IGSF9: variants seen among roughly 807,000 people sequenced by gnomAD.
IGSF9 encodes the protein protein turtle homolog A.
A neutral mutation model predicts 121.7 loss-of-function variants in IGSF9; 87 were observed. That is an observed-to-expected ratio of 0.71 (90% CI 0.60 to 0.85). IGSF9 has a LOEUF of 0.85. Among genes scored for constraint, IGSF9 ranks in the 40% least tolerant of loss-of-function variants. The pLI is 0.00. For synonymous variants in IGSF9, 640 were observed against 648.4 expected (o/e 0.99, Z 0.20); for missense variants, 1,462 against 1,565.3 (o/e 0.93, Z 1.11).
chr1:159,935,640 G>T (rs1033340467), intron 6 of IGSF9, among the ~76,000 whole-genome samples: 2 of 152,244 alleles, frequency 1.3e-5, no homozygotes, highest in Non-Finnish European at 2.9e-5. Context: ...TGACACAACA[G>T]AGCACTGACT....
Position 159,929,653 on chromosome 1 carries a change from T to TGCGGCG in IGSF9, c.2305_2310dup (p.Arg769_Arg770dup), listed in dbSNP as rs748316982. 781 of 1,594,552 alleles carry TGCGGCG rather than the reference T, an allele frequency of 4.9e-4. 6 individuals are homozygous for TGCGGCG. The African/African-American group carries it at 9.3e-3, about 19-fold the overall frequency. On this transcript the variant is annotated inframe_insertion, in exon 17 of 21. Coordinates refer to ENST00000368094, the MANE Select transcript of IGSF9 (RefSeq NM_001135050.2). ...AGGGACTTACCTTGGCGGAGGCGCT[T>TGCGGCG]GCGGCGGCGGCGGGCAGCCCTGCGC... is the stretch of plus-strand genomic sequence containing the variant.
In IGSF9 at chr1:159,931,658, C is replaced by T. The variant is rs1313392508; in HGVS notation, c.1363-55G>A. On this transcript the variant is annotated intron_variant, in intron 11 of 20. Coordinates refer to ENST00000368094, the MANE Select transcript of IGSF9 (RefSeq NM_001135050.2). The surrounding 1 kb of genome is among the most constrained non-coding windows in gnomAD (Gnocchi z 4.8). ...ACACGCAGCCACCCCTCACCAAAGG[C>T]GCCCCTCATCTCTCCAGGCAGCTCC... The T allele has an allele frequency of 1.0e-5, 16 of 1,586,788 alleles. No homozygotes were observed. The Admixed American group carries it at 1.0e-4, about 10-fold the overall frequency.
Position 159,927,264 on chromosome 1 carries a change from C to T in IGSF9, c.*81G>A, listed in dbSNP as rs1320339718. 6.4e-7 allele frequency: 1 copy of T among 1,560,734 alleles called. No homozygotes were observed. Among genetic ancestry groups the T allele is most frequent in the African/African-American group, 1.4e-5 (1 of 73,560 alleles). ...CAAAGGGGCAGGCAGGGGCAGTGCC[C>T]TCGTTTGAAACTAGGTCTGTCTGGT... On this transcript the variant is annotated 3_prime_UTR_variant, in exon 21 of 21. Coordinates refer to ENST00000368094, the MANE Select transcript of IGSF9 (RefSeq NM_001135050.2).
In IGSF9 at chr1:159,928,619, C is replaced by T; in HGVS notation, c.2769G>A (p.Leu923=). Residue 923 remains leucine, a synonymous_variant, in exon 19 of 21, where the codon CTG becomes CTA. Coordinates refer to ENST00000368094, the MANE Select transcript of IGSF9 (RefSeq NM_001135050.2). The stretch of plus-strand genomic sequence containing the variant: ...AGAAGGGCAGGCTCAGGTACTGGAG[C>T]AGGGGTCCAGGACCTGGCAAGGGAC... The part of the protein sequence containing the change: ...PPSPLPGPGP[L]LQYLSLPFFR... 1 of 1,492,216 alleles carries T rather than the reference C, an allele frequency of 6.7e-7. No individual in the cohort carries two copies. The highest frequency in any genetic ancestry group is 8.9e-7 in the Non-Finnish European group (1 of 1,119,206). 92.4% of individuals were successfully genotyped at this position (1,492,216 alleles called of 1,614,324 possible).
In IGSF9 at chr1:159,931,154, C is replaced by G; in HGVS notation, c.1621G>C (p.Val541Leu). ...FDGGYLQRFS[V>L]WYTPLAKRPD... ...GTCACTCACAGTGGGGTGTACCAGA[C>G]ACTGAATCTCTGCAGATAACCACCA... Residue 541 changes from valine to leucine, a missense_variant, in exon 13 of 21, where the codon GTC becomes CTC. Physicochemically the swap from Val to Leu is conservative, Grantham distance 32. Around this residue, in one of 3 missense-constraint regions of IGSF9, gnomAD observed 96 missense variants for 150.7 expected, o/e 0.64. Coordinates refer to ENST00000368094, the MANE Select transcript of IGSF9 (RefSeq NM_001135050.2). The surrounding 1 kb of genome is among the most constrained non-coding windows in gnomAD (Gnocchi z 4.8). 1 of 1,614,118 alleles carries G rather than the reference C, an allele frequency of 6.2e-7. No individual in the cohort carries two copies. Among genetic ancestry groups the G allele is most frequent in the African/African-American group, 1.3e-5 (1 of 75,032 alleles).
At position 159,927,763 on chromosome 1, in the gene IGSF9, G is replaced by C; in HGVS notation, c.3355C>G (p.Leu1119Val). Reference protein sequence around the residue: ...SRLRPEAEPELGVKTPEEGCL... With the variant: ...SRLRPEAEPEVGVKTPEEGCL... ...CCTTTCCGGGGGGCTCACACACCTA[G>C]CTCTGGCTCAGCTTCAGGTCTGAGC... The change falls in exon 20 of 21, where the codon CTA becomes GTA. Residue 1119 changes from leucine to valine, a missense_variant. Physicochemically the swap from Leu to Val is conservative, Grantham distance 32. Around this residue, in one of 3 missense-constraint regions of IGSF9, gnomAD observed 808 missense variants for 815.2 expected, o/e 0.99. Transcript: ENST00000368094. The C allele has an allele frequency of 6.2e-7, 1 of 1,612,980 alleles. No individual in the cohort carries two copies. The highest frequency in any genetic ancestry group is 8.5e-7 in the Non-Finnish European group (1 of 1,179,658).
chr1:159,937,511 G>A (rs1190188920), intron 4 of IGSF9, among the ~76,000 whole-genome samples, 175 bp downstream of exon 4: 1 of 152,024 alleles, frequency 6.6e-6, no homozygotes, highest in Non-Finnish European at 1.5e-5. Flanking sequence ...GGAGTGTGGG[G>A]GAGGGGTGAG....
rs1473532269 is a variant in IGSF9, at chr1:159,928,534, G to A, written c.2854C>T (p.Pro952Ser). ...PPLEEPSPAA[P>S]PDYMDTRRCP... Reference sequence around the variant, plus strand: ...CGCCGGGTATCCATGTAATCTGGGGGTGCAGCAGGGCTGGGCTCCTCAAGC... The same window carrying A: ...CGCCGGGTATCCATGTAATCTGGGGATGCAGCAGGGCTGGGCTCCTCAAGC... The change falls in exon 19 of 21, where the codon CCC becomes TCC. Residue 952 changes from proline (P) to serine (S), a missense_variant. Physicochemically the swap from Pro to Ser is moderately conservative, Grantham distance 74. Coordinates refer to ENST00000368094, the MANE Select transcript of IGSF9 (RefSeq NM_001135050.2). The A allele has an allele frequency of 6.4e-7, 1 of 1,557,958 alleles. No homozygotes were observed. Among genetic ancestry groups the A allele is most frequent in the South Asian group, 1.2e-5 (1 of 82,804 alleles).
intron 18 of IGSF9, 29 bp downstream of exon 18, chr1:159,929,322 A>G (rs1178674937): frequency 6.2e-7 from 1 of 1,610,808 alleles, no homozygotes; most frequent in Non-Finnish European, 8.5e-7. Context: ...GGAAAGGCAG[A>G]AGAAAGCCAA....
intron 18 of IGSF9, 92 bp downstream of exon 18, chr1:159,929,259 A>T: frequency 6.7e-7 from 1 of 1,488,416 alleles, no homozygotes; most frequent in Non-Finnish European, 9.4e-7. Context: ...AACACCCAAC[A>T]TCCCCCTGGT....
chr1:159,930,103 A>G (rs753742367), intron 15 of IGSF9, 86 bp downstream of exon 15: 14 of 1,548,528 alleles, frequency 9.0e-6, no homozygotes, highest in Non-Finnish European at 1.2e-5. Context: ...AGCTCAAATC[A>G]AGATGAGAAG....
Position 159,931,750 on chromosome 1 carries a change from G to A in IGSF9, c.1362+62C>T. 6.9e-7 allele frequency: 1 copy of A among 1,459,636 alleles called. No homozygotes were observed. The highest frequency in any genetic ancestry group is 9.4e-7 in the Non-Finnish European group (1 of 1,065,424). The allele number at this position is 1,459,636 out of a possible 1,614,324, so 90.4% of individuals were successfully genotyped here. A position where few individuals can be genotyped will look rare whatever the true frequency, so the allele number is the denominator to read the frequency against. On this transcript the variant is annotated intron_variant, in intron 11 of 20. Coordinates refer to ENST00000368094, the MANE Select transcript of IGSF9 (RefSeq NM_001135050.2). This position sits in a 1 kb window ranked among gnomAD's most constrained non-coding sequence, Gnocchi z 4.8. ...CACCCTCCCTCCCACAAAATGGCTG[G>A]GGCACGAGAGGCAGGGGTGTAGTGG...
intron 3 of IGSF9, among the ~76,000 whole-genome samples, chr1:159,939,852 T>C (rs1476765088): frequency 6.6e-6 from 1 of 152,174 alleles, no homozygotes; most frequent in African/African-American, 2.4e-5. Flanking sequence ...GAGATAAGAC[T>C]AGGCCCAGCG....
Position 159,931,754 on chromosome 1 carries a change from A to C in IGSF9, c.1362+58T>G. The C allele has an allele frequency of 6.9e-7, 1 of 1,458,624 alleles. No individual in the cohort carries two copies. The allele number at this position is 1,458,624 out of a possible 1,614,324, so 90.4% of individuals were successfully genotyped here. On this transcript the variant is annotated intron_variant, in intron 11 of 20. Coordinates refer to ENST00000368094, the MANE Select transcript of IGSF9 (RefSeq NM_001135050.2). This position sits in a 1 kb window ranked among gnomAD's most constrained non-coding sequence, Gnocchi z 4.8. ...CTCCCTCCCACAAAATGGCTGGGGC[A>C]CGAGAGGCAGGGGTGTAGTGGGCGT...
Position 159,932,419 on chromosome 1 carries a change from T to TGGG in IGSF9, c.1245+92_1245+93insCCC. Reference sequence around the variant, plus strand: ...ACTTGGAAACCCCTCCCCATGTGTCTGCCCCACCCCACCCCCATCAGCCTG... The same window carrying TGGG: ...ACTTGGAAACCCCTCCCCATGTGTCTGGGGCCCCACCCCACCCCCATCAGCCTG... On this transcript the variant is annotated intron_variant, in intron 10 of 20. Transcript: ENST00000368094. This position sits in a 1 kb window ranked among gnomAD's most constrained non-coding sequence, Gnocchi z 4.1. The TGGG allele has an allele frequency of 8.8e-6, 9 of 1,017,692 alleles. No homozygotes were observed. The highest frequency in any genetic ancestry group is 1.3e-5 in the Non-Finnish European group (9 of 687,002). 63.0% of individuals were successfully genotyped at this position (1,017,692 alleles called of 1,614,324 possible).
At position 159,936,766 on chromosome 1, in the gene IGSF9, C is replaced by G; in HGVS notation, c.543G>C (p.Gln181His). Residue 181 changes from glutamine to histidine, a missense_variant, in exon 5 of 21, where the codon CAG (glutamine) becomes CAC (histidine). Physicochemically the swap from Gln to His is conservative, Grantham distance 24. Coordinates refer to ENST00000368094, the MANE Select transcript of IGSF9 (RefSeq NM_001135050.2). Reference sequence around the variant, plus strand: ...CCCCAGGACTCACTTGCACCTGGCCCTGGCCCTGGCCAAGGTCCTTTCCTC... The same window carrying G: ...CCCCAGGACTCACTTGCACCTGGCCGTGGCCCTGGCCAAGGTCCTTTCCTC... The part of the protein sequence containing the change: ...KLRGKDLGQG[Q>H]GQVQVQNGTL... 1 of 1,614,230 alleles carries G rather than the reference C, an allele frequency of 6.2e-7. No homozygotes were observed.
In IGSF9 at chr1:159,937,788, C is replaced by T. The variant is rs1382200243; in HGVS notation, c.298G>A (p.Val100Met). 3 of 1,613,956 alleles carry T rather than the reference C, an allele frequency of 1.9e-6. No individual in the cohort carries two copies. In the African/African-American group the frequency reaches 4.0e-5, roughly 22 times the overall value. Residue 100 changes from valine to methionine, a missense_variant, in exon 4 of 21, where the codon GTG (valine) becomes ATG (methionine). Physicochemically the swap from Val to Met is conservative, Grantham distance 21 (BLOSUM62 1). Coordinates refer to ENST00000368094, the MANE Select transcript of IGSF9 (RefSeq NM_001135050.2). Reference protein sequence around the residue: ...GASLQIEGLRVEDQGWYECRV... With the variant: ...GASLQIEGLRMEDQGWYECRV... ...CACTCGTACCAGCCCTGGTCTTCCA[C>T]CCGGAGACCCTCAATCTGGAGAGAG...
At chr1:159,937,937 G>A (rs1651253738) in intron 3 of IGSF9, 99 bp from the exon 4 acceptor site, 5 of 1,273,210 alleles carry the variant, frequency 3.9e-6, no homozygotes, top group Non-Finnish European at 4.4e-6. Flanking sequence ...AACAGGCTCA[G>A]TCTCTCCCAG....
At chr1:159,929,255 C>T in intron 18 of IGSF9, 96 bp downstream of exon 18, 2 of 1,481,170 alleles carry the variant, frequency 1.4e-6, no homozygotes, top group South Asian at 2.3e-5. Context: ...CCCCAACACC[C>T]AACATCCCCC....
Sources: gnomAD v4.1 joint callset for allele counts (sites outside exome capture counted in the v4.1 genomes callset) on GRCh38, gnomAD v4.1.1 for gene constraint, gnomAD v4.1.1 regional missense constraint, Gnocchi (gnomAD v3.1) non-coding constraint, MANE v1.5 for transcripts, NCBI Gene and HGNC (gene_info 2026-07-23, HGNC 2026-07-21) for gene names.